The following ZFAND6 variants were observed in gnomAD, a reference collection of about 807,000 sequenced individuals.
The protein encoded by ZFAND6 is zinc finger AN1-type containing 6, also known as AN1-type zinc finger protein 6.
ZFAND6 carries 12 observed loss-of-function variants against 24.5 expected under a neutral mutation model. That is an observed-to-expected ratio of 0.49 (90% CI 0.31 to 0.79). The LOEUF (loss-of-function observed/expected upper bound fraction) is 0.79. ZFAND6 is among the 30% of genes least tolerant of loss of function. ZFAND6 has a pLI of 0.04. For synonymous variants in ZFAND6, 92 were observed against 81.5 expected (o/e 1.13, Z -0.69); for missense variants, 207 against 245.9 (o/e 0.84, Z 1.06).
chr15:80,059,522 C>CCGCCT (rs2036206625), upstream of ZFAND6: 1 of 152,214 alleles, frequency 6.6e-6, no homozygotes, highest in South Asian at 2.1e-4. Flanking sequence ...AGCCTTGACC[C>CCGCCT]CGCCTCTCCC....
intron 1 of ZFAND6, among the ~76,000 whole-genome samples, chr15:80,086,277 A>G (rs530783605): frequency 1.1e-4 from 16 of 152,332 alleles, no homozygotes; most frequent in African/African-American, 3.8e-4. Context: ...ACCTCAGGTG[A>G]TCTGCCTGCC....
chr15:80,127,612 AAAAC>A (rs1235750216), intron 5 of ZFAND6, among the ~76,000 whole-genome samples: 10 of 131,480 alleles, frequency 7.6e-5, no homozygotes, highest in Admixed American at 7.0e-4. Flanking sequence ...AAAAAAAAAA[AAAAC>A]CATGCTCAAC....
At chr15:80,095,652 A>C (rs2038675506) in intron 1 of ZFAND6, among the ~76,000 whole-genome samples, 1 of 152,186 alleles carries the variant, frequency 6.6e-6, no homozygotes, top group African/African-American at 2.4e-5. Context: ...CCATAGTAGG[A>C]ACCGCTTTGA....
chr15:80,113,055 G>A (rs912072698), intron 2 of ZFAND6, among the ~76,000 whole-genome samples: 4 of 148,100 alleles, frequency 2.7e-5, no homozygotes, highest in African/African-American at 5.0e-5. Flanking sequence ...TTGCGGTGTC[G>A]TACTAGTTCA....
intron 1 of ZFAND6, among the ~76,000 whole-genome samples, chr15:80,096,649 A>G (rs1460006267): frequency 3.9e-5 from 6 of 152,186 alleles, no homozygotes; most frequent in Admixed American, 2.6e-4. Flanking sequence ...GCTATTTCTC[A>G]TGGTGTTTTT....
At chr15:80,114,228 A>G (rs1182363596) in intron 2 of ZFAND6, among the ~76,000 whole-genome samples, 2 of 152,218 alleles carry the variant, frequency 1.3e-5, no homozygotes, top group South Asian at 2.1e-4. Context: ...GTGCCCTCTT[A>G]GTTGAAACCA....
intron 1 of ZFAND6, among the ~76,000 whole-genome samples, chr15:80,095,841 C>G (rs1309196255): frequency 6.6e-6 from 1 of 152,146 alleles, no homozygotes; most frequent in Non-Finnish European, 1.5e-5. Context: ...AGGTTACTTG[C>G]TTTAATTTCA....
At chr15:80,085,732 G>T (rs189369364) in intron 1 of ZFAND6, among the ~76,000 whole-genome samples, 147 of 151,924 alleles carry the variant, frequency 9.7e-4, no homozygotes, top group African/African-American at 3.1e-3. Context: ...AAAATTCCTG[G>T]TGTGTTTTGT....
Position 80,069,791 on chromosome 15 carries a change from T to A in ZFAND6, c.-181+9982T>A, listed in dbSNP as rs55690403. 5.6e-3 allele frequency among the ~76,000 whole-genome samples: 851 copies of A among 152,240 alleles called. 8 individuals carry two copies. Among genetic ancestry groups the A allele is most frequent in the African/African-American group, 0.019 (803 of 41,532 alleles). On this transcript the variant is annotated intron_variant, in intron 1 of 6. Transcript: ENST00000261749. ...ACGAGGCTAATTTTTGTAGTTCTAGTAGAGACGGGGTTTCACCATCTTGGC... is the reference window on the plus strand; with the variant it reads ...ACGAGGCTAATTTTTGTAGTTCTAGAAGAGACGGGGTTTCACCATCTTGGC...
At chr15:80,070,840 A>C (rs528487558) in intron 1 of ZFAND6, among the ~76,000 whole-genome samples, 5 of 152,184 alleles carry the variant, frequency 3.3e-5, no homozygotes, top group African/African-American at 1.2e-4. Context: ...GGCCATCTAC[A>C]GTCACTTTTC....
chr15:80,075,675 G>C (rs951122452), intron 1 of ZFAND6, among the ~76,000 whole-genome samples: 5 of 152,090 alleles, frequency 3.3e-5, no homozygotes, highest in Non-Finnish European at 1.5e-5. Flanking sequence ...TTAATGGGCA[G>C]TAAGTTGATA....
At chr15:80,079,809 C>T (rs909740887) in intron 1 of ZFAND6, among the ~76,000 whole-genome samples, 6 of 150,980 alleles carry the variant, frequency 4.0e-5, no homozygotes, top group African/African-American at 1.5e-4. Flanking sequence ...CGCCACCACG[C>T]CCAGCTAGCT....
intron 1 of ZFAND6, among the ~76,000 whole-genome samples, chr15:80,061,970 A>G (rs748517600): frequency 2.0e-5 from 3 of 152,210 alleles, no homozygotes; most frequent in East Asian, 1.9e-4. Context: ...GAACATTTGC[A>G]TGAAAACCCA....
chr15:80,117,785 A>C (rs750967017), intron 2 of ZFAND6, among the ~76,000 whole-genome samples: 3 of 152,178 alleles, frequency 2.0e-5, no homozygotes, highest in African/African-American at 7.2e-5. Context: ...AGAGTTGACT[A>C]CTAGTACAGT....
upstream of ZFAND6, among the ~76,000 whole-genome samples, chr15:80,059,384 C>T (rs1029998046): frequency 1.3e-5 from 2 of 152,256 alleles, no homozygotes; most frequent in African/African-American, 4.8e-5. Context: ...GGTAGAGAAA[C>T]CGCGGCGGGA....
At chr15:80,060,271 C>T (rs1480654596) in intron 1 of ZFAND6, 1 of 152,144 alleles carries the variant, frequency 6.6e-6, no homozygotes, top group Admixed American at 6.5e-5. Context: ...TGTTTTTCCA[C>T]CTGCGGCGTT....
intron 1 of ZFAND6, among the ~76,000 whole-genome samples, chr15:80,088,990 TC>T (rs991151638): frequency 6.6e-6 from 1 of 152,132 alleles, no homozygotes; most frequent in Admixed American, 6.5e-5. Flanking sequence ...CCCTTGCTTA[TC>T]TCAGTATCCT....
At chr15:80,103,224 C>G (rs891189568) in intron 2 of ZFAND6, among the ~76,000 whole-genome samples, 18 of 152,204 alleles carry the variant, frequency 1.2e-4, no homozygotes, top group African/African-American at 4.3e-4. Flanking sequence ...GAGAATGTTA[C>G]CTTCCTTATA....
intron 1 of ZFAND6, among the ~76,000 whole-genome samples, chr15:80,081,200 CTAAAA>C (rs1462510135): frequency 1.3e-5 from 2 of 152,286 alleles, no homozygotes; most frequent in African/African-American, 4.8e-5. Context: ...CATTGATTGC[CTAAAA>C]TAATTGTTTC....
Sources: allele counts gnomAD v4.1 joint callset (sites outside exome capture counted in the v4.1 genomes callset), GRCh38; gene constraint gnomAD v4.1.1; transcripts MANE v1.5; gene names NCBI Gene and HGNC (gene_info 2026-07-23, HGNC 2026-07-21).